Variants in UBA6 observed in about 807,000 individuals in gnomAD.
UBA6 encodes the protein ubiquitin like modifier activating enzyme 6.
A neutral mutation model predicts 148.3 loss-of-function variants in UBA6; 87 were observed. That is an observed-to-expected ratio of 0.59 (90% confidence interval 0.49 to 0.70). UBA6 has a LOEUF of 0.70. Among genes scored for constraint, UBA6 ranks in the 30% least tolerant of loss-of-function variants. The pLI, the probability that UBA6 is intolerant of heterozygous loss-of-function variation, is 0.00. For synonymous variants in UBA6, 376 were observed against 401.0 expected, an observed-to-expected ratio of 0.94 and a Z score of 0.75; for missense variants, 1,186 against 1,241.2, an observed-to-expected ratio of 0.96 and a Z score of 0.67.
intron 32 of UBA6, among the ~76,000 whole-genome samples, chr4:67,619,723 A>C (rs946282855): frequency 2.6e-5 from 4 of 152,224 alleles, no homozygotes; most frequent in Admixed American, 6.5e-5. Context: ...CTAGAATTTA[A>C]ACCTTAAAAT....
intron 20 of UBA6, 65 bp downstream of exon 20, chr4:67,635,385 ATTG>A: frequency 1.0e-6 from 1 of 976,298 alleles, no homozygotes; most frequent in East Asian, 2.5e-5. Flanking sequence ...GCTAAATCAA[ATTG>A]TTGATTAAGA....
At chr4:67,644,838 C>A in intron 16 of UBA6, 60 bp from the exon 17 acceptor site, 1 of 816,664 alleles carries the variant, frequency 1.2e-6, no homozygotes, top group Non-Finnish European at 2.0e-6. Context: ...AATCATTTTA[C>A]TTTGAAATAT....
intron 13 of UBA6, among the ~76,000 whole-genome samples, chr4:67,656,997 GAGA>G (rs1729714487): frequency 1.3e-5 from 2 of 152,254 alleles, no homozygotes; most frequent in African/African-American, 4.8e-5. Flanking sequence ...CCTCCTCAAG[GAGA>G]AGTACAACCC....
At chr4:67,624,282 T>C (rs1254633560) in intron 29 of UBA6, 29 bp from the exon 30 acceptor site, 2 of 1,578,804 alleles carry the variant, frequency 1.3e-6, no homozygotes, top group Non-Finnish European at 1.7e-6. Context: ...TCTGATAATA[T>C]AAACAGCCTA....
chr4:67,655,062 A>G (rs1283087854), intron 13 of UBA6, among the ~76,000 whole-genome samples: 1 of 152,166 alleles, frequency 6.6e-6, no homozygotes, highest in Non-Finnish European at 1.5e-5. Flanking sequence ...AGAGACCTAC[A>G]AAGACTTAGA....
At position 67,645,934 on chromosome 4, in the gene UBA6, T is replaced by C; in HGVS notation, c.1395+4A>G. 6.4e-7 allele frequency: 1 copy of C among 1,562,028 alleles called. No individual in the cohort carries two copies. The highest frequency in any genetic ancestry group is 8.8e-7 in the Non-Finnish European group (1 of 1,142,522). The stretch of plus-strand genomic sequence containing the variant: ...ATACTATTCCCATGATTATTGATAC[T>C]TACTAAGAAGATGTTTAAATTTTGC... On this transcript the variant is annotated splice_donor_region_variant and intron_variant, in intron 16 of 32. Transcript: ENST00000322244.
At chr4:67,639,846 C>T (rs966971067) in intron 18 of UBA6, among the ~76,000 whole-genome samples, 2 of 152,168 alleles carry the variant, frequency 1.3e-5, no homozygotes, top group African/African-American at 4.8e-5. Flanking sequence ...GTCTCTCCCT[C>T]TCAAAATACA....
At chr4:67,674,754 A>G (rs1307213529) in intron 6 of UBA6, among the ~76,000 whole-genome samples, 1 of 152,196 alleles carries the variant, frequency 6.6e-6, no homozygotes, top group Non-Finnish European at 1.5e-5. Flanking sequence ...ATTTCTTTGA[A>G]TATTGCTCTT....
chr4:67,654,681 T>C (rs548082731), intron 13 of UBA6, among the ~76,000 whole-genome samples: 2 of 152,158 alleles, frequency 1.3e-5, no homozygotes, highest in African/African-American at 4.8e-5. Flanking sequence ...AATTCACATA[T>C]AACAATATTA....
rs577387361 is a variant in UBA6 at position 67,676,911 on chromosome 4, A to AT, written c.465+699_465+700insA. Among the ~76,000 whole-genome samples, 15 of 152,174 alleles carry AT rather than the reference A, an allele frequency of 9.9e-5. No homozygotes were observed. In the East Asian group the frequency reaches 2.9e-3, roughly 29 times the overall value. ...TAATTTACTCACAGAAAAAAAAAAA[A>AT]AAATCAGGGTCAACCTAGTCACTTT... On this transcript the variant is annotated intron_variant, in intron 6 of 32. Coordinates refer to ENST00000322244, the MANE Select transcript of UBA6 (RefSeq NM_018227.6).
intron 7 of UBA6, among the ~76,000 whole-genome samples, chr4:67,672,423 T>G (rs1002458739): frequency 1.3e-5 from 2 of 152,080 alleles, no homozygotes; most frequent in Admixed American, 6.5e-5. Context: ...AAAGTTCGAG[T>G]GTGCAGAACC....
chr4:67,622,583 G>A (rs1011107953), intron 32 of UBA6, among the ~76,000 whole-genome samples: 1 of 152,198 alleles, frequency 6.6e-6, no homozygotes, highest in African/African-American at 2.4e-5. Context: ...CTCAACATAA[G>A]AGACGGATCC....
chr4:67,621,393 G>T (rs1728746834), intron 32 of UBA6, among the ~76,000 whole-genome samples: 1 of 152,298 alleles, frequency 6.6e-6, no homozygotes, highest in Non-Finnish European at 1.5e-5. Flanking sequence ...ATATTTGTTG[G>T]TAACCTTTTA....
At chr4:67,666,277 C>G (rs893794818) in intron 9 of UBA6, among the ~76,000 whole-genome samples, 2 of 151,852 alleles carry the variant, frequency 1.3e-5, no homozygotes, top group Non-Finnish European at 2.9e-5. Context: ...TTTCTCATTT[C>G]TAAACCATTT....
intron 9 of UBA6, among the ~76,000 whole-genome samples, chr4:67,666,816 A>G (rs1475823319): frequency 3.3e-5 from 5 of 152,154 alleles, no homozygotes; most frequent in Non-Finnish European, 7.4e-5. Flanking sequence ...CTGAGGCTGC[A>G]GTGAGCCATG....
chr4:67,648,022 C>T (rs1417313091), intron 14 of UBA6, among the ~76,000 whole-genome samples: 1 of 151,452 alleles, frequency 6.6e-6, no homozygotes, highest in African/African-American at 2.4e-5. Flanking sequence ...ATCTGCCCGC[C>T]TCGGCTGCTC....
Position 67,618,996 on chromosome 4 carries a change from A to G in UBA6, c.*1T>C, listed in dbSNP as rs146730200. On this transcript the variant is annotated 3_prime_UTR_variant, in exon 33 of 33. Coordinates refer to ENST00000322244, the MANE Select transcript of UBA6 (RefSeq NM_018227.6). Reference sequence around the variant, plus strand: ...CTGGAGTAACGTTAAGACAACTTGTATTAATCAGTGTCATGACTGAAGTAG... The same window carrying G: ...CTGGAGTAACGTTAAGACAACTTGTGTTAATCAGTGTCATGACTGAAGTAG... 1.7e-4 allele frequency: 269 copies of G among 1,613,060 alleles called. 2 individuals are homozygous for G. In the African/African-American group the frequency reaches 3.2e-3, roughly 19 times the overall value.
chr4:67,659,151 T>C (rs1729776279), intron 13 of UBA6, among the ~76,000 whole-genome samples: 1 of 152,236 alleles, frequency 6.6e-6, no homozygotes, highest in Admixed American at 6.5e-5. Context: ...ATATATGCAA[T>C]AAAAGGTCTT....
rs549264915 is a variant in UBA6, at chr4:67,626,620, T to A, written c.2401-143A>T. On this transcript the variant is annotated intron_variant, in intron 27 of 32. Coordinates refer to ENST00000322244, the MANE Select transcript of UBA6 (RefSeq NM_018227.6). Reference sequence around the variant, plus strand: ...GATTATTAATCATTGGTCCAATGTATTTTATACGTTCCTTTAGAAGGTATT... The same window carrying A: ...GATTATTAATCATTGGTCCAATGTAATTTATACGTTCCTTTAGAAGGTATT... The A allele has an allele frequency of 1.7e-4, 99 of 595,020 alleles. No homozygotes were observed. The African/African-American group carries it at 1.7e-3, about 10-fold the overall frequency. 36.9% of individuals were successfully genotyped at this position (595,020 alleles called of 1,614,324 possible).
Sources: gnomAD v4.1 joint callset for allele counts (sites outside exome capture counted in the v4.1 genomes callset) on GRCh38, gnomAD v4.1.1 for gene constraint, MANE v1.5 for transcripts, NCBI Gene and HGNC (gene_info 2026-07-23, HGNC 2026-07-21) for gene names.